ENPP3: variants seen among roughly 807,000 people sequenced by gnomAD.
ENPP3 encodes the protein ectonucleotide pyrophosphatase/phosphodiesterase family member 3.
Under a neutral mutation model 117.8 loss-of-function variants are expected in ENPP3, and 104 were observed. The observed-to-expected ratio is 0.88, with a 90% CI of 0.75 to 1.04. The LOEUF (loss-of-function observed/expected upper bound fraction) is 1.04, where lower values mean the gene tolerates loss of function less well. Among genes scored for constraint, ENPP3 ranks in the 50% least tolerant of loss-of-function variants. The probability of loss-of-function intolerance (pLI) is 0.00; values close to 1 mark genes in which losing one functional copy is unlikely to be tolerated. For missense variants in ENPP3, 1,026 were observed against 1,051.9 expected (o/e 0.98, Z 0.34); for synonymous variants, 380 against 349.9 (o/e 1.09, Z -0.96).
In ENPP3 at chr6:131,746,972, T is replaced by C. The variant is rs748985762; in HGVS notation, c.*16T>C. 2 of 1,440,204 alleles carry C rather than the reference T, an allele frequency of 1.4e-6. No homozygotes were observed. Among genetic ancestry groups the C allele is most frequent in the African/African-American group, 1.4e-5 (1 of 70,002 alleles). 89.2% of individuals were successfully genotyped at this position (1,440,204 alleles called of 1,614,324 possible). A position where few individuals can be genotyped will look rare whatever the true frequency, so the allele number is the denominator to read the frequency against. On this transcript the variant is annotated 3_prime_UTR_variant, in exon 25 of 25. Coordinates refer to ENST00000357639, the MANE Select transcript of ENPP3 (RefSeq NM_005021.5). ...CACTATTTAACTTAATAATGTCTACTTAATATATAATTTACTGTATAAAGT... is the reference window on the plus strand; with the variant it reads ...CACTATTTAACTTAATAATGTCTACCTAATATATAATTTACTGTATAAAGT...
At chr6:131,654,929 C>A (rs1023371133) in intron 5 of ENPP3, among the ~76,000 whole-genome samples, 1 of 152,116 alleles carries the variant, frequency 6.6e-6, no homozygotes, top group African/African-American at 2.4e-5. Flanking sequence ...GCCTGTAGGT[C>A]TTTTGCGCTA....
At chr6:131,690,132 A>T (rs906618135) in intron 14 of ENPP3, among the ~76,000 whole-genome samples, 2 of 152,220 alleles carry the variant, frequency 1.3e-5, no homozygotes, top group African/African-American at 4.8e-5. Context: ...AAAGGATTTA[A>T]ATTATTCCAT....
At chr6:131,654,588 A>G (rs1202927204) in intron 5 of ENPP3, among the ~76,000 whole-genome samples, 1 of 152,076 alleles carries the variant, frequency 6.6e-6, no homozygotes, top group Non-Finnish European at 1.5e-5. Flanking sequence ...GACTATAAGC[A>G]TGTGCCACCA....
At chr6:131,720,466 A>T (rs1420521126) in intron 17 of ENPP3, 87 bp downstream of exon 17, 5 of 637,676 alleles carry the variant, frequency 7.8e-6, no homozygotes, top group Middle Eastern at 2.6e-4. Flanking sequence ...TGAATCCCAG[A>T]GGCTGGATGC....
chr6:131,717,243 T>G (rs1779911067), intron 15 of ENPP3, among the ~76,000 whole-genome samples: 1 of 152,118 alleles, frequency 6.6e-6, no homozygotes. Flanking sequence ...TTAAACTGAA[T>G]TAGAGTCAGT....
intron 15 of ENPP3, among the ~76,000 whole-genome samples, chr6:131,716,107 C>A (rs949865370): frequency 6.6e-6 from 1 of 152,170 alleles, no homozygotes; most frequent in East Asian, 1.9e-4. Flanking sequence ...TGGTAGAGAA[C>A]CCCAGCCTTG....
intron 6 of ENPP3, among the ~76,000 whole-genome samples, chr6:131,670,496 T>G (rs1778716368): frequency 6.6e-6 from 1 of 152,160 alleles, no homozygotes; most frequent in Non-Finnish European, 1.5e-5. Flanking sequence ...TTTATTTATT[T>G]ATTTATTTAT....
chr6:131,730,024 T>C lies in ENPP3; in HGVS notation c.1954-3564T>C, dbSNP rs562525053. ...CCTCATTAAAAATTACAATAAACTTTCTTCGTTAACATTTTTATAATTTTA... is the reference window on the plus strand; with the variant it reads ...CCTCATTAAAAATTACAATAAACTTCCTTCGTTAACATTTTTATAATTTTA... On this transcript the variant is annotated intron_variant, in intron 20 of 24. Transcript: ENST00000357639. Among the ~76,000 whole-genome samples, 3 of 152,308 alleles carry C rather than the reference T, an allele frequency of 2.0e-5. No homozygotes were observed. The East Asian group carries it at 5.8e-4, about 29-fold the overall frequency.
intron 1 of ENPP3, among the ~76,000 whole-genome samples, chr6:131,641,091 T>A (rs1010743594): frequency 6.6e-6 from 1 of 152,144 alleles, no homozygotes; most frequent in Non-Finnish European, 1.5e-5. Context: ...TTTCAATAAA[T>A]GATCACAAAT....
chr6:131,637,969 CT>C (rs968631592), intron 1 of ENPP3, among the ~76,000 whole-genome samples: 1 of 138,522 alleles, frequency 7.2e-6, no homozygotes, highest in Non-Finnish European at 1.5e-5. Context: ...TTTCTTTTTT[CT>C]TTTTTTTAAT....
intron 23 of ENPP3, among the ~76,000 whole-genome samples, chr6:131,738,499 G>A (rs79118655): frequency 0.041 from 6,054 of 148,566 alleles, 337 homozygotes; most frequent in African/African-American, 0.13. Flanking sequence ...CAATCCAACA[G>A]TAAATGAAAA....
chr6:131,652,905 A>G lies in ENPP3; in HGVS notation c.464+14A>G. 2 of 1,584,586 alleles carry G rather than the reference A, an allele frequency of 1.3e-6. No individual in the cohort carries two copies. On this transcript the variant is annotated intron_variant, in intron 5 of 24. Coordinates refer to ENST00000357639, the MANE Select transcript of ENPP3 (RefSeq NM_005021.5). ...GTGCCCAGAAGGGTGAGCATGACTG[A>G]TACAGGGATTTTTATCCTCCTTTAA...
chr6:131,727,861 G>C (rs1327526381), intron 20 of ENPP3, among the ~76,000 whole-genome samples: 1 of 152,150 alleles, frequency 6.6e-6, no homozygotes, highest in Non-Finnish European at 1.5e-5. Context: ...TAATGTTTTT[G>C]CTAAGAGTAC....
intron 11 of ENPP3, among the ~76,000 whole-genome samples, chr6:131,678,998 C>T (rs1410618274): frequency 2.8e-5 from 2 of 70,430 alleles, no homozygotes; most frequent in Admixed American, 1.6e-4. Flanking sequence ...TCCTTCCTTC[C>T]TTGCTTCCTT....
rs17090723 is a variant in ENPP3 at position 131,712,552 on chromosome 6, T to C, written c.1413-6120T>C. Among the ~76,000 whole-genome samples the C allele has an allele frequency of 7.8e-4, 101 of 129,574 alleles. 39 individuals are homozygous for C. Among genetic ancestry groups the C allele is most frequent in the African/African-American group, 4.1e-3 (99 of 24,074 alleles). 85.0% of individuals were successfully genotyped at this position (129,574 alleles called of 152,430 possible). A position where few individuals can be genotyped will look rare whatever the true frequency, so the allele number is the denominator to read the frequency against. On this transcript the variant is annotated intron_variant, in intron 15 of 24. Transcript: ENST00000357639. ...CTCCAGTAGCTTTCCAAGAAGTTTT[T>C]AGTCCCTGATGATCTCTTATGCTTT...
intron 6 of ENPP3, among the ~76,000 whole-genome samples, chr6:131,667,572 T>C (rs1447318857): frequency 6.6e-6 from 1 of 152,168 alleles, no homozygotes; most frequent in Non-Finnish European, 1.5e-5. Context: ...AATTGGAGTG[T>C]TAGATGTGTG....
chr6:131,740,877 G>C (rs948863737), intron 24 of ENPP3, among the ~76,000 whole-genome samples: 2 of 152,098 alleles, frequency 1.3e-5, no homozygotes, highest in African/African-American at 2.4e-5. Flanking sequence ...ATTAACTGCA[G>C]CCACTCTACT....
At chr6:131,733,436 A>C in intron 20 of ENPP3, 152 bp from the exon 21 acceptor site, 1 of 707,672 alleles carries the variant, frequency 1.4e-6, no homozygotes, top group Non-Finnish European at 2.2e-6. Flanking sequence ...ACACTGCTGA[A>C]GACATCCATT....
chr6:131,644,242 A>C (rs147329932), intron 2 of ENPP3, among the ~76,000 whole-genome samples: 1 of 152,316 alleles, frequency 6.6e-6, no homozygotes, highest in Non-Finnish European at 1.5e-5. Context: ...TTTCATTCTG[A>C]GTGTGACAAG....
Sources: allele counts gnomAD v4.1 joint callset (sites outside exome capture counted in the v4.1 genomes callset), GRCh38; gene constraint gnomAD v4.1.1; transcripts MANE v1.5; gene names NCBI Gene and HGNC (gene_info 2026-07-23, HGNC 2026-07-21).